CPSF1: variants seen among roughly 807,000 people sequenced by gnomAD.
The protein encoded by CPSF1 is cleavage and polyadenylation specificity factor subunit 1.
In CPSF1, 106 loss-of-function variants were observed where a neutral mutation model predicts 175.8. The ratio of observed to expected loss-of-function variants is 0.60; its 90% CI spans 0.52 to 0.71. The LOEUF is 0.71. Among genes scored for constraint, CPSF1 ranks in the 30% least tolerant of loss-of-function variants. The probability of loss-of-function intolerance (pLI) is 0.00; values close to 1 mark genes in which losing one functional copy is unlikely to be tolerated. For synonymous variants in CPSF1, 1,024 were observed against 858.3 expected (o/e 1.19, Z -3.37); for missense variants, 1,734 against 2,022.9 (o/e 0.86, Z 2.74).
chr8:144,399,399 G>A lies in CPSF1; in HGVS notation c.1295-26C>T, dbSNP rs2116862223. 23 of 1,612,572 alleles carry A rather than the reference G, an allele frequency of 1.4e-5. No homozygotes were observed. Among genetic ancestry groups the A allele is most frequent in the Admixed American group, 1.3e-4 (8 of 59,964 alleles). On this transcript the variant is annotated intron_variant, in intron 13 of 37. Transcript: ENST00000616140. This position sits in a 1 kb window ranked among gnomAD's most constrained non-coding sequence, Gnocchi z 6.4. The stretch of plus-strand genomic sequence containing the variant: ...CTGCACACAGAGAGCCCACTTGAGC[G>A]CAGCCCTGGGTCACCTGGCCCCGCT...
In CPSF1 at chr8:144,394,453, C is replaced by T. The variant is rs1554862778; in HGVS notation, c.3670G>A (p.Ala1224Thr). 1 of 1,608,400 alleles carries T rather than the reference C, an allele frequency of 6.2e-7. No individual in the cohort carries two copies. The change falls in exon 32 of 38, where the codon GCA becomes ACA. Residue 1224 changes from alanine (A) to threonine (T), a missense_variant. By Grantham distance (58) the Ala-to-Thr change is moderately conservative (BLOSUM62 0). Coordinates refer to ENST00000616140, the MANE Select transcript of CPSF1 (RefSeq NM_013291.3). ...QMISVKNFIL[A>T]ADVMKSISLL... Reference sequence around the variant, plus strand: ...GAAATGCTCTTCATGACGTCGGCTGCCAGGATGAAGTTCTTGACGCTGATC... The same window carrying T: ...GAAATGCTCTTCATGACGTCGGCTGTCAGGATGAAGTTCTTGACGCTGATC...
Position 144,400,783 on chromosome 8 carries a change from C to T in CPSF1, c.574G>A (p.Asp192Asn), listed in dbSNP as rs111306279. 2 of 1,613,820 alleles carry T rather than the reference C, an allele frequency of 1.2e-6. No homozygotes were observed. Among genetic ancestry groups the T allele is most frequent in the Non-Finnish European group, 1.7e-6 (2 of 1,179,950 alleles). ...AGCTTCTCGTCTAGGGCCCGCACGT[C>T]GATGATGTAGCTGGGCAGGAAGCTG... ...RSSFLPSYII[D>N]VRALDEKLLN... The change falls in exon 7 of 38, where the codon GAC becomes AAC. Residue 192 changes from aspartate (D) to asparagine (N), a missense_variant. By Grantham distance (23) the Asp-to-Asn change is conservative. Around this residue, in one of 10 missense-constraint regions of CPSF1, gnomAD observed 122 missense variants for 177.2 expected, o/e 0.69. Transcript: ENST00000616140.
chr8:144,394,346 A>C (rs1586608887), intron 32 of CPSF1, 33 bp downstream of exon 32: 4 of 1,586,932 alleles, frequency 2.5e-6, no homozygotes, highest in Non-Finnish European at 2.6e-6. Context: ...GCGGGTACCC[A>C]CCCAGACACG....
At chr8:144,395,634 G>C in intron 26 of CPSF1, 83 bp from the exon 27 acceptor site, 2 of 1,194,768 alleles carry the variant, frequency 1.7e-6, no homozygotes. Context: ...AGAGCCCTGG[G>C]ATGTTGCCCT....
At chr8:144,403,524 CAT>C (rs1821334687) in intron 2 of CPSF1, among the ~76,000 whole-genome samples, 1 of 151,984 alleles carries the variant, frequency 6.6e-6, no homozygotes, top group South Asian at 2.1e-4. Context: ...GCTGGGACCA[CAT>C]GTGAGTCACC....
Position 144,398,149 on chromosome 8 carries a change from G to A in CPSF1, c.1895-17C>T, listed in dbSNP as rs782499451. On this transcript the variant is annotated splice_polypyrimidine_tract_variant and intron_variant, in intron 19 of 37. Transcript: ENST00000616140. ...GCTGATTCACTGTAGGCATGGGGCA[G>A]TCAGCATGCGCCTCCCCACCACCGT... 11 of 1,575,660 alleles carry A rather than the reference G, an allele frequency of 7.0e-6. No homozygotes were observed. Among genetic ancestry groups the A allele is most frequent in the South Asian group, 2.3e-5 (2 of 85,600 alleles).
chr8:144,397,186 G>A (rs1249680743), intron 23 of CPSF1, 21 bp downstream of exon 23: 11 of 1,520,608 alleles, frequency 7.2e-6, no homozygotes, highest in South Asian at 1.2e-5. Flanking sequence ...GGGAAGGGGA[G>A]GCCAGGCCAG....
chr8:144,405,239 G>C (rs541590621), intron 2 of CPSF1, among the ~76,000 whole-genome samples: 2 of 152,182 alleles, frequency 1.3e-5, no homozygotes, highest in African/African-American at 4.8e-5. Context: ...TGAGGCAAAG[G>C]CCTCCGCCGC....
chr8:144,397,106 T>TG lies in CPSF1; in HGVS notation c.2592+100dup, dbSNP rs1288459207. The TG allele has an allele frequency of 1.8e-5, 12 of 671,046 alleles. No individual in the cohort carries two copies. In the East Asian group the frequency reaches 4.8e-4, roughly 27 times the overall value. The allele number at this position is 671,046 out of a possible 1,614,324, so 41.6% of individuals were successfully genotyped here. On this transcript the variant is annotated intron_variant, in intron 23 of 37. Transcript: ENST00000616140. ...GGAGCCACGGGAAGGGGCGGGGCCG[T>TG]GGGGGAGATGGGGTGGAGCCACGGG...
rs1554863097 is a variant in CPSF1, at chr8:144,394,947, G to T, written c.3349C>A (p.Leu1117Ile). 2 of 1,612,852 alleles carry T rather than the reference G, an allele frequency of 1.2e-6. No individual in the cohort carries two copies. The highest frequency in any genetic ancestry group is 1.7e-6 in the Non-Finnish European group (2 of 1,179,948). ...GTCCCGGCGGCCACGTAGCCTTTGA[G>T]GCCCGACACGGTCTCCTCACTGCGC... The part of the protein sequence containing the change: ...SLRSEETVSG[L>I]KGYVAAGTCL... The change falls in exon 30 of 38, where the codon CTC becomes ATC. Residue 1117 changes from leucine to isoleucine, a missense_variant. Leu to Ile is a conservative substitution (Grantham distance 5). Transcript: ENST00000616140.
In CPSF1 at chr8:144,393,653, G is replaced by A; in HGVS notation, c.4145+14C>T. On this transcript the variant is annotated intron_variant, in intron 36 of 37. Transcript: ENST00000616140. Reference sequence around the variant, plus strand: ...GTGGAGGGGGTGCTGCACGGGGGCGGGGCCGGGGCTCACCGGAAGGCGCGG... The same window carrying A: ...GTGGAGGGGGTGCTGCACGGGGGCGAGGCCGGGGCTCACCGGAAGGCGCGG... The A allele has an allele frequency of 2.6e-6, 4 of 1,568,576 alleles. No homozygotes were observed. The highest frequency in any genetic ancestry group is 3.4e-6 in the Non-Finnish European group (4 of 1,163,974).
At position 144,409,153 on chromosome 8, in the gene CPSF1, G is replaced by A. The variant is rs2116913491; in HGVS notation, c.6C>T (p.Tyr2=). ...GCGGATGCGCCTGTTTGTACACGGC[G>A]TACATGGCGCCAACCCGGGCTGCGC... M[Y]AVYKQAHPPT... Residue 2 remains tyrosine (Y), a synonymous_variant, in exon 2 of 38, where the codon TAC becomes TAT. Coordinates refer to ENST00000616140, the MANE Select transcript of CPSF1 (RefSeq NM_013291.3). 3.7e-6 allele frequency: 6 copies of A among 1,609,454 alleles called. No homozygotes were observed. In the Admixed American group the frequency reaches 5.0e-5, roughly 14 times the overall value.
Position 144,394,718 on chromosome 8 carries a change from C to G in CPSF1, c.3493G>C (p.Glu1165Gln). ...GTCACGGGCCCCTTCTGCTCCTTCT[C>G]GTAAAGGACTTTGAACTTGTTCTTG... ...LTKNKFKVLY[E>Q]KEQKGPVTAL... is the part of the protein sequence containing the mutation. The change falls in exon 31 of 38, where the codon GAG becomes CAG. Residue 1165 changes from glutamate (E) to glutamine (Q), a missense_variant. Around this residue, in one of 10 missense-constraint regions of CPSF1, gnomAD observed 62 missense variants for 124.5 expected, o/e 0.50. Transcript: ENST00000616140. 4 of 1,613,468 alleles carry G rather than the reference C, an allele frequency of 2.5e-6. No homozygotes were observed. Among genetic ancestry groups the G allele is most frequent in the Non-Finnish European group, 3.4e-6 (4 of 1,179,928 alleles).
rs2116852412 is a variant in CPSF1 at position 144,398,572 on chromosome 8, C to T, written c.1705G>A (p.Gly569Ser). Residue 569 changes from glycine to serine, a missense_variant, in exon 18 of 38, where the codon GGC (glycine) becomes AGC (serine). Gly to Ser is a moderately conservative substitution (Grantham distance 56). Transcript: ENST00000616140. ...AGAATCAGGAATCCGTGTCTGCGGC[C>T]GTCGTCGTCTGCTTCAGGGGTGGTG... ...PSTTPEADDD[G>S]RRHGFLILSR... 14 of 1,613,776 alleles carry T rather than the reference C, an allele frequency of 8.7e-6. No individual in the cohort carries two copies. The highest frequency in any genetic ancestry group is 4.0e-5 in the African/African-American group (3 of 74,926).
At chr8:144,408,242 G>C (rs1328821835) in intron 2 of CPSF1, among the ~76,000 whole-genome samples, 1 of 152,124 alleles carries the variant, frequency 6.6e-6, no homozygotes, top group Admixed American at 6.5e-5. Context: ...CACTGTGCAT[G>C]TCTCTCCACC....
intron 2 of CPSF1, among the ~76,000 whole-genome samples, chr8:144,402,295 TG>T (rs1297611653): frequency 6.6e-6 from 1 of 152,106 alleles, no homozygotes; most frequent in African/African-American, 2.4e-5. Flanking sequence ...GTTTTTGTTT[TG>T]TTTTTTTTTG....
rs782436921 is a variant in CPSF1 at position 144,393,942 on chromosome 8, G to A, written c.3956C>T (p.Ala1319Val). 7 of 1,613,534 alleles carry A rather than the reference G, an allele frequency of 4.3e-6. No homozygotes were observed. The East Asian group carries it at 1.6e-4, about 36-fold the overall frequency. ...NTFWRTPCRGATEGLSKKSVV... is the reference protein window; with the variant it reads ...NTFWRTPCRGVTEGLSKKSVV... ...CGACTTTTTGCTGAGCCCTTCAGTG[G>A]CCCCCCGGCACGGGGTCCTCCAGAA... Residue 1319 changes from alanine to valine, a missense_variant, in exon 35 of 38, where the codon GCC becomes GTC. This residue lies in a region of CPSF1 where 323 missense variants were observed against 338.5 expected (regional missense o/e 0.95). Transcript: ENST00000616140.
chr8:144,399,118 C>A lies in CPSF1; in HGVS notation c.1467+10G>T. 2 of 1,557,140 alleles carry A rather than the reference C, an allele frequency of 1.3e-6. No individual in the cohort carries two copies. The highest frequency in any genetic ancestry group is 2.4e-5 in the South Asian group (2 of 84,784). On this transcript the variant is annotated intron_variant, in intron 15 of 37. Coordinates refer to ENST00000616140, the MANE Select transcript of CPSF1 (RefSeq NM_013291.3). The surrounding 1 kb of genome is among the most constrained non-coding windows in gnomAD (Gnocchi z 6.4). ...CCCCTGCCCCCAGCCCCGACCCCAACCCTGGGCACCTCTTCAGAGAGGAAG... is the reference window on the plus strand; with the variant it reads ...CCCCTGCCCCCAGCCCCGACCCCAAACCTGGGCACCTCTTCAGAGAGGAAG...
chr8:144,403,306 C>T (rs1554867954), intron 2 of CPSF1, among the ~76,000 whole-genome samples: 1 of 152,038 alleles, frequency 6.6e-6, no homozygotes, highest in African/African-American at 2.4e-5. Context: ...CATGGCCAGG[C>T]TGGTCTTCAA....
Sources: gnomAD v4.1 joint callset for allele counts (sites outside exome capture counted in the v4.1 genomes callset) on GRCh38, gnomAD v4.1.1 for gene constraint, gnomAD v4.1.1 regional missense constraint, Gnocchi (gnomAD v3.1) non-coding constraint, MANE v1.5 for transcripts, NCBI Gene and HGNC (gene_info 2026-07-23, HGNC 2026-07-21) for gene names.